Variants in ART4 observed in about 807,000 individuals in gnomAD.
ART4 encodes ADP-ribosyltransferase 4 (inactive) (Dombrock blood group).
ART4 carries 14 observed loss-of-function variants against 24.2 expected under a neutral mutation model. That is an observed-to-expected ratio of 0.58 (90% CI 0.38 to 0.90). The LOEUF is 0.90. Ranked by LOEUF, ART4 falls within the 40% of genes least tolerant of loss-of-function variation. The pLI, the probability that ART4 is intolerant of heterozygous loss-of-function variation, is 0.00. For missense variants in ART4, 356 were observed against 366.6 expected (o/e 0.97, Z 0.24); for synonymous variants, 145 against 139.9 (o/e 1.04, Z -0.26).
At position 14,840,669 on chromosome 12, in the gene ART4, G is replaced by T; in HGVS notation, c.629C>A (p.Thr210Lys). Residue 210 changes from threonine (T) to lysine (K), a missense_variant, in exon 2 of 3, where the codon ACA becomes AAA. Thr to Lys is a moderately conservative substitution (Grantham distance 78). Transcript: ENST00000228936. ...CTGTGCCTCTTCTTTCAGGAGGGAT[G>T]TGGAGAGGAATTGGCCAAATCGAAT... ...ATIRFGQFLS[T>K]SLLKEEAQEF... is the part of the protein sequence containing the mutation. 1 of 1,614,166 alleles carries T rather than the reference G, an allele frequency of 6.2e-7. No individual in the cohort carries two copies. The highest frequency in any genetic ancestry group is 1.1e-5 in the South Asian group (1 of 91,070).
rs1302361223 is a variant in ART4 at position 14,827,761 on chromosome 12, G to C, written c.*1610C>G. 6.6e-6 allele frequency: 1 copy of C among 152,104 alleles called. No individual in the cohort carries two copies. Among genetic ancestry groups the C allele is most frequent in the East Asian group, 1.9e-4 (1 of 5,190 alleles). 9.4% of individuals were successfully genotyped at this position (152,104 alleles called of 1,614,324 possible). On this transcript the variant is annotated 3_prime_UTR_variant, in exon 3 of 3. Transcript: ENST00000228936. ...GCAACTAGGTGACAGAGGTGATTTG[G>C]CCCTGTTAGTTTCAAATCCCAATTT...
intron 2 of ART4, among the ~76,000 whole-genome samples, chr12:14,835,078 G>A (rs776804638): frequency 2.0e-5 from 3 of 152,284 alleles, no homozygotes; most frequent in Non-Finnish European, 2.9e-5. Context: ...GGTCTTTCCA[G>A]TATCACGTCT....
At position 14,840,990 on chromosome 12, in the gene ART4, G is replaced by A. The variant is rs748187879; in HGVS notation, c.308C>T (p.Ala103Val). 1 of 1,614,154 alleles carries A rather than the reference G, an allele frequency of 6.2e-7. No homozygotes were observed. The highest frequency in any genetic ancestry group is 2.2e-5 in the East Asian group (1 of 44,878). ...TAGAACTTTTCCTTGGTTAAGCCAG[G>A]CTAAGTGGGCTTTTTGCCACATCCT... ...YFRMWQKAHLAWLNQGKVLPQ... is the reference protein window; with the variant it reads ...YFRMWQKAHLVWLNQGKVLPQ... Residue 103 changes from alanine to valine, a missense_variant, in exon 2 of 3, where the codon GCC becomes GTC. Transcript: ENST00000228936.
chr12:14,837,042 A>T (rs2137301931), intron 2 of ART4, among the ~76,000 whole-genome samples: 1 of 152,302 alleles, frequency 6.6e-6, no homozygotes. Flanking sequence ...GAGACAGCAG[A>T]TCTGATCACT....
rs764804390 is a variant in ART4, at chr12:14,840,748, C to T, written c.550G>A (p.Glu184Lys). The T allele has an allele frequency of 4.3e-6, 7 of 1,614,160 alleles. 1 individual carries two copies. The Middle Eastern group carries it at 5.0e-4, about 114-fold the overall frequency. ...ACATCCTTCGTCCTATAATGCACCT[C>T]ATAGCACAGAGTGCCATTCTCCATG... ...SIMENGTLCY[E>K]VHYRTKDVHF... is the part of the protein sequence containing the mutation. Residue 184 changes from glutamate (E) to lysine (K), a missense_variant, in exon 2 of 3, where the codon GAG becomes AAG. Glu to Lys is a moderately conservative substitution (Grantham distance 56). Transcript: ENST00000228936.
At chr12:14,842,575 T>C (rs997495132) in intron 1 of ART4, among the ~76,000 whole-genome samples, 1 of 152,242 alleles carries the variant, frequency 6.6e-6, no homozygotes, top group Non-Finnish European at 1.5e-5. Flanking sequence ...CTCTGTCATC[T>C]CTTAACATTA....
chr12:14,832,248 T>G (rs532254131), intron 2 of ART4, among the ~76,000 whole-genome samples: 1 of 152,298 alleles, frequency 6.6e-6, no homozygotes, highest in African/African-American at 2.4e-5. Context: ...GTCTTCGCTT[T>G]CTATTATTTT....
intron 2 of ART4, among the ~76,000 whole-genome samples, chr12:14,836,173 T>A (rs1212526214): frequency 3.3e-5 from 5 of 152,168 alleles, no homozygotes; most frequent in African/African-American, 1.2e-4. Context: ...GGTAGAAGAT[T>A]CATTTTTACA....
intron 2 of ART4, among the ~76,000 whole-genome samples, 172 bp from the exon 3 acceptor site, chr12:14,829,634 G>C (rs1398655911): frequency 6.6e-6 from 1 of 151,964 alleles, no homozygotes; most frequent in East Asian, 1.9e-4. Flanking sequence ...TGCTTATTTT[G>C]CAGATGATGA....
chr12:14,836,673 A>G (rs1479228119), intron 2 of ART4, among the ~76,000 whole-genome samples: 1 of 152,206 alleles, frequency 6.6e-6, no homozygotes, highest in Non-Finnish European at 1.5e-5. Flanking sequence ...GTAGAACCAG[A>G]GGATGGACCA....
intron 2 of ART4, among the ~76,000 whole-genome samples, chr12:14,833,050 A>G (rs1950406891): frequency 6.6e-6 from 1 of 152,170 alleles, no homozygotes; most frequent in African/African-American, 2.4e-5. Context: ...CTATTCAACT[A>G]TCTCTTCAAA....
chr12:14,843,324 G>C lies in ART4; in HGVS notation c.-211C>G, dbSNP rs1296793607. Reference sequence around the variant, plus strand: ...TTCTTTGCAAAACTGAAATCTCTGTGAAATAGCCAGATGCGCACACCAAAT... The same window carrying C: ...TTCTTTGCAAAACTGAAATCTCTGTCAAATAGCCAGATGCGCACACCAAAT... On this transcript the variant is annotated 5_prime_UTR_variant, in exon 1 of 3. Transcript: ENST00000228936. The C allele has an allele frequency of 3.8e-6, 2 of 528,944 alleles. No homozygotes were observed. Among genetic ancestry groups the C allele is most frequent in the Non-Finnish European group, 6.7e-6 (2 of 297,278 alleles). 32.8% of individuals were successfully genotyped at this position (528,944 alleles called of 1,614,324 possible).
At position 14,829,407 on chromosome 12, in the gene ART4, CA is replaced by C; in HGVS notation, c.908del (p.Leu303Ter). 2 of 1,607,458 alleles carry C rather than the reference CA, an allele frequency of 1.2e-6. No individual in the cohort carries two copies. Among genetic ancestry groups the C allele is most frequent in the East Asian group, 2.2e-5 (1 of 44,540 alleles). ...TTTTGGAAAAGATGATGACACTGGT[CA>C]AAAAGGAGAGAGATGCAATAGCTAT... is the stretch of plus-strand genomic sequence containing the variant. ...DPIAIASLSFLTSVIIFSKSR... is the reference protein window; with the variant it reads ...DPIAIASLSFXTSVIIFSKSR... On this transcript the variant is annotated frameshift_variant, in exon 3 of 3. Coordinates refer to ENST00000228936, the MANE Select transcript of ART4 (RefSeq NM_021071.4). LOFTEE classifies it high-confidence loss of function.
At chr12:14,841,472 A>G (rs1481160832) in intron 1 of ART4, among the ~76,000 whole-genome samples, 2 of 152,226 alleles carry the variant, frequency 1.3e-5, no homozygotes, top group African/African-American at 4.8e-5. Context: ...AAAATCTTGT[A>G]GTTTAATTAC....
intron 2 of ART4, among the ~76,000 whole-genome samples, chr12:14,829,972 T>A (rs1039581586): frequency 1.3e-5 from 2 of 152,210 alleles, no homozygotes; most frequent in African/African-American, 4.8e-5. Flanking sequence ...ACACATCTTG[T>A]AAATAGTATA....
At chr12:14,833,474 C>T (rs1047649570) in intron 2 of ART4, among the ~76,000 whole-genome samples, 1 of 152,020 alleles carries the variant, frequency 6.6e-6, no homozygotes, top group African/African-American at 2.4e-5. Flanking sequence ...TACGCAAATC[C>T]CTTAAGCTCT....
At chr12:14,831,407 C>T (rs572349397) in intron 2 of ART4, among the ~76,000 whole-genome samples, 3 of 150,204 alleles carry the variant, frequency 2.0e-5, no homozygotes, top group Non-Finnish European at 4.4e-5. Context: ...TCTACAGGTG[C>T]ACACCACCAT....
Position 14,829,337 on chromosome 12 carries a change from A to T in ART4, c.*34T>A, listed in dbSNP as rs759381640. The stretch of plus-strand genomic sequence containing the variant: ...CCAATAAAAAAGATTTTATTTAAAT[A>T]TTTTTTTTAAATAAAAGGAGCCACA... On this transcript the variant is annotated 3_prime_UTR_variant, in exon 3 of 3. Coordinates refer to ENST00000228936, the MANE Select transcript of ART4 (RefSeq NM_021071.4). The T allele has an allele frequency of 7.3e-7, 1 of 1,371,854 alleles. No homozygotes were observed. The highest frequency in any genetic ancestry group is 1.5e-5 in the African/African-American group (1 of 66,958). The allele number at this position is 1,371,854 out of a possible 1,614,324, so 85.0% of individuals were successfully genotyped here.
At chr12:14,834,478 A>G (rs567058815) in intron 2 of ART4, among the ~76,000 whole-genome samples, 5 of 152,326 alleles carry the variant, frequency 3.3e-5, no homozygotes, top group Non-Finnish European at 7.4e-5. Context: ...CCCCACTAGA[A>G]TCGTACAGGT....
Sources: gnomAD v4.1 joint callset for allele counts (sites outside exome capture counted in the v4.1 genomes callset) on GRCh38, gnomAD v4.1.1 for gene constraint, MANE v1.5 for transcripts, NCBI Gene and HGNC (gene_info 2026-07-23, HGNC 2026-07-21) for gene names.